Variants in SORCS2 observed in about 807,000 individuals in gnomAD.
SORCS2 encodes VPS10 domain-containing receptor SorCS2.
A neutral mutation model predicts 141.6 loss-of-function variants in SORCS2; 100 were observed. That is an observed-to-expected ratio of 0.71 (90% CI 0.60 to 0.83). The LOEUF is 0.83. Among genes scored for constraint, SORCS2 ranks in the 40% least tolerant of loss-of-function variants. The probability of loss-of-function intolerance (pLI) is 0.00; values close to 1 mark genes in which losing one functional copy is unlikely to be tolerated. For missense variants in SORCS2, 1,646 were observed against 1,560.2 expected, an observed-to-expected ratio of 1.05 and a Z score of -0.93; for synonymous variants, 789 against 676.9, an observed-to-expected ratio of 1.17 and a Z score of -2.57.
At chr4:7,318,654 C>T (rs542147159) in intron 1 of SORCS2, among the ~76,000 whole-genome samples, 2 of 152,332 alleles carry the variant, frequency 1.3e-5, no homozygotes, top group African/African-American at 4.8e-5. Context: ...AGTACTGTCT[C>T]AATCATCGCA....
chr4:7,510,771 C>T (rs1732591385), intron 2 of SORCS2, among the ~76,000 whole-genome samples: 1 of 152,252 alleles, frequency 6.6e-6, no homozygotes, highest in Non-Finnish European at 1.5e-5. Flanking sequence ...CCGCATGGAC[C>T]GACGCTTGCG....
rs1394611774 is a variant in SORCS2 at position 7,386,453 on chromosome 4, GTGCA to G, written c.481-9834_481-9831del. On this transcript the variant is annotated intron_variant, in intron 1 of 26. Coordinates refer to ENST00000507866, the MANE Select transcript of SORCS2 (RefSeq NM_020777.3). ...CATACAGGTACACAGAGATACACAT[GTGCA>G]CGCACACACATGCACACACATACAC... 5.7e-4 allele frequency among the ~76,000 whole-genome samples: 30 copies of G among 53,000 alleles called. 1 individual carries two copies. The highest frequency in any genetic ancestry group is 1.3e-3 in the African/African-American group (13 of 10,276). The allele number at this position is 53,000 out of a possible 152,430, so 34.8% of individuals were successfully genotyped here. A position where few individuals can be genotyped will look rare whatever the true frequency, so the allele number is the denominator to read the frequency against.
At chr4:7,640,351 A>C (rs904206004) in intron 4 of SORCS2, among the ~76,000 whole-genome samples, 3 of 132,932 alleles carry the variant, frequency 2.3e-5, no homozygotes, top group African/African-American at 8.7e-5. Context: ...AGAGTGTGAG[A>C]GCCTATGTGA....
chr4:7,312,686 T>C (rs1405667987), intron 1 of SORCS2, among the ~76,000 whole-genome samples: 1 of 152,126 alleles, frequency 6.6e-6, no homozygotes, highest in Non-Finnish European at 1.5e-5. Context: ...TACCTTGGGG[T>C]TACCCTGCTG....
At chr4:7,322,846 GC>G (rs1718982920) in intron 1 of SORCS2, among the ~76,000 whole-genome samples, 1 of 152,192 alleles carries the variant, frequency 6.6e-6, no homozygotes, top group South Asian at 2.1e-4. Context: ...GATGATTGGG[GC>G]CTCAAGAGCA....
At chr4:7,612,462 A>C (rs1577839306) in intron 3 of SORCS2, among the ~76,000 whole-genome samples, 1 of 152,212 alleles carries the variant, frequency 6.6e-6, no homozygotes, top group East Asian at 1.9e-4. Context: ...CATCTCCTTA[A>C]GGACAGGCCT....
intron 25 of SORCS2, among the ~76,000 whole-genome samples, chr4:7,735,850 A>G (rs1712123926): frequency 6.6e-6 from 1 of 152,150 alleles, no homozygotes; most frequent in Non-Finnish European, 1.5e-5. Flanking sequence ...CCTATATCCC[A>G]TGGCCACTGC....
At chr4:7,373,858 G>A (rs1457106815) in intron 1 of SORCS2, among the ~76,000 whole-genome samples, 3 of 152,080 alleles carry the variant, frequency 2.0e-5, no homozygotes, top group African/African-American at 7.2e-5. Context: ...CTCCCAGTCT[G>A]TGGCTTTTCC....
intron 2 of SORCS2, among the ~76,000 whole-genome samples, chr4:7,503,111 A>G (rs1732072718): frequency 6.6e-6 from 1 of 152,182 alleles, no homozygotes; most frequent in Admixed American, 6.5e-5. Flanking sequence ...TGGGGAATAT[A>G]TATCAGAGGC....
At position 7,742,246 on chromosome 4, in the gene SORCS2, T is replaced by TC; in HGVS notation, c.*1983dup. The stretch of plus-strand genomic sequence containing the variant: ...TCTGCAAGGACACCTTTGCAGGGAT[T>TC]CTTGTCCTGCTGGCCACCCCACCCA... On this transcript the variant is annotated 3_prime_UTR_variant, in exon 27 of 27. Coordinates refer to ENST00000507866, the MANE Select transcript of SORCS2 (RefSeq NM_020777.3). 6.6e-6 allele frequency: 1 copy of TC among 152,252 alleles called. No homozygotes were observed. The highest frequency in any genetic ancestry group is 1.5e-5 in the Non-Finnish European group (1 of 68,108). 9.4% of individuals were successfully genotyped at this position (152,252 alleles called of 1,614,324 possible).
At chr4:7,354,111 T>G (rs963056164) in intron 1 of SORCS2, among the ~76,000 whole-genome samples, 1 of 152,188 alleles carries the variant, frequency 6.6e-6, no homozygotes, top group African/African-American at 2.4e-5. Context: ...CTCTTTCTTC[T>G]GTTTTGTTCT....
At chr4:7,567,258 T>C (rs935564223) in intron 3 of SORCS2, among the ~76,000 whole-genome samples, 1 of 152,180 alleles carries the variant, frequency 6.6e-6, no homozygotes, top group Admixed American at 6.5e-5. Flanking sequence ...ATGTTACAAG[T>C]GCAAACTGTA....
At chr4:7,337,316 C>G (rs867504927) in intron 1 of SORCS2, among the ~76,000 whole-genome samples, 4 of 152,092 alleles carry the variant, frequency 2.6e-5, no homozygotes, top group Non-Finnish European at 4.4e-5. Flanking sequence ...GTCTGCTGGC[C>G]GAGAGAAGCA....
chr4:7,594,488 G>A (rs1717129404), intron 3 of SORCS2, among the ~76,000 whole-genome samples: 1 of 152,218 alleles, frequency 6.6e-6, no homozygotes, highest in Non-Finnish European at 1.5e-5. Context: ...CCCCTCCTTG[G>A]CACTGTCCTG....
intron 14 of SORCS2, among the ~76,000 whole-genome samples, chr4:7,710,473 G>A (rs889038424): frequency 6.6e-6 from 1 of 152,214 alleles, no homozygotes; most frequent in African/African-American, 2.4e-5. Flanking sequence ...AGAGTGTGAG[G>A]ATGCTCTCAG....
intron 2 of SORCS2, among the ~76,000 whole-genome samples, chr4:7,400,632 CGGGTGGATGGATGA>C (rs1724515404): frequency 6.6e-6 from 1 of 151,744 alleles, no homozygotes; most frequent in African/African-American, 2.4e-5. Flanking sequence ...GATGGACAGC[CGGGTGGATGGATGA>C]ATGGACAGAT....
At chr4:7,696,552 A>C (rs1724720591) in intron 11 of SORCS2, among the ~76,000 whole-genome samples, 1 of 152,130 alleles carries the variant, frequency 6.6e-6, no homozygotes, top group African/African-American at 2.4e-5. Flanking sequence ...CCATTCTGAC[A>C]CTGCCCACAG....
At chr4:7,586,843 T>C (rs1015942949) in intron 3 of SORCS2, among the ~76,000 whole-genome samples, 2 of 152,136 alleles carry the variant, frequency 1.3e-5, no homozygotes, top group South Asian at 2.1e-4. Context: ...TATATACTCC[T>C]CGGAGATCAG....
chr4:7,467,487 C>A (rs1729688790), intron 2 of SORCS2, among the ~76,000 whole-genome samples: 1 of 152,212 alleles, frequency 6.6e-6, no homozygotes, highest in Admixed American at 6.5e-5. Flanking sequence ...AGTCAAGTGA[C>A]ATCTCATTCA....
Sources: gnomAD v4.1 joint callset for allele counts (sites outside exome capture counted in the v4.1 genomes callset) on GRCh38, gnomAD v4.1.1 for gene constraint, MANE v1.5 for transcripts, NCBI Gene and HGNC (gene_info 2026-07-23, HGNC 2026-07-21) for gene names.